Variants in CPA5 observed in about 807,000 individuals in gnomAD.
The protein encoded by CPA5 is carboxypeptidase A5, also known as testicular tissue protein Li 32.
CPA5 carries 38 observed loss-of-function variants against 52.2 expected under a neutral mutation model. That is an observed-to-expected ratio of 0.73 (90% confidence interval 0.56 to 0.95). CPA5 has a LOEUF of 0.95. Among genes scored for constraint, CPA5 ranks in the 40% least tolerant of loss-of-function variants. CPA5 has a pLI of 0.00. For synonymous variants in CPA5, 198 were observed against 213.7 expected, an observed-to-expected ratio of 0.93 and a Z score of 0.64; for missense variants, 519 against 566.7, an observed-to-expected ratio of 0.92 and a Z score of 0.86.
intron 5 of CPA5, among the ~76,000 whole-genome samples, chr7:130,351,364 G>A (rs1795129908): frequency 6.6e-6 from 1 of 152,222 alleles, no homozygotes; most frequent in South Asian, 2.1e-4. Flanking sequence ...TTGGCAAACA[G>A]ACACACAGAG....
chr7:130,366,812 G>T (rs1475619645), intron 10 of CPA5, among the ~76,000 whole-genome samples: 2 of 152,188 alleles, frequency 1.3e-5, no homozygotes, highest in Non-Finnish European at 1.5e-5. Context: ...GGAAGCCAGG[G>T]TTGGGGCAGA....
intron 10 of CPA5, 73 bp from the exon 11 acceptor site, chr7:130,367,299 C>G (rs1456082081): frequency 5.3e-6 from 7 of 1,318,958 alleles, no homozygotes; most frequent in Non-Finnish European, 7.6e-6. Flanking sequence ...GGGGAACACA[C>G]AGGTATTTTG....
chr7:130,348,663 T>A (rs1794927644), intron 4 of CPA5, among the ~76,000 whole-genome samples: 1 of 152,134 alleles, frequency 6.6e-6, no homozygotes, highest in African/African-American at 2.4e-5. Flanking sequence ...CTCTGGATCC[T>A]GACGAAGTTG....
At chr7:130,347,718 A>G (rs782439444) in intron 3 of CPA5, 48 bp from the exon 4 acceptor site, 1 of 1,521,064 alleles carries the variant, frequency 6.6e-7, no homozygotes, top group African/African-American at 1.4e-5. Context: ...ACAGCCTTCC[A>G]GGGATCCTTC....
rs185681824 is a variant in CPA5 at position 130,347,912 on chromosome 7, T to C, written c.198+65T>C. 283 of 1,308,044 alleles carry C rather than the reference T, an allele frequency of 2.2e-4. No homozygotes were observed. In the East Asian group the frequency reaches 5.7e-3, roughly 26 times the overall value. 81.0% of individuals were successfully genotyped at this position (1,308,044 alleles called of 1,614,324 possible). A position where few individuals can be genotyped will look rare whatever the true frequency, so the allele number is the denominator to read the frequency against. ...CTCAGTGGCTCACACATTTAGCTCC[T>C]TGTCCTGCCCCCCTTTATCCCAAAC... is the stretch of plus-strand genomic sequence containing the variant. On this transcript the variant is annotated intron_variant, in intron 4 of 12. Transcript: ENST00000474905.
downstream of CPA5, among the ~76,000 whole-genome samples, chr7:130,369,697 G>A (rs1796273464): frequency 6.6e-6 from 1 of 152,176 alleles, no homozygotes; most frequent in Non-Finnish European, 1.5e-5. Flanking sequence ...CCGTGTGTGT[G>A]TGTGTAAAAC....
intron 5 of CPA5, among the ~76,000 whole-genome samples, chr7:130,359,141 C>G (rs1795653765): frequency 6.6e-6 from 1 of 152,216 alleles, no homozygotes; most frequent in Admixed American, 6.5e-5. Flanking sequence ...TGGGTCCTGA[C>G]TCAACAGAGT....
intron 10 of CPA5, 93 bp from the exon 11 acceptor site, chr7:130,367,279 G>A (rs1796142161): frequency 5.4e-6 from 6 of 1,113,146 alleles, no homozygotes; most frequent in South Asian, 1.3e-5. Flanking sequence ...AAAGGAGGCT[G>A]GGAAATGTAG....
intron 6 of CPA5, among the ~76,000 whole-genome samples, chr7:130,360,832 CAG>C (rs1795751685): frequency 6.6e-6 from 1 of 152,190 alleles, no homozygotes. Flanking sequence ...AATTTCTAAC[CAG>C]AGAGAGCCAT....
chr7:130,362,342 G>T lies in CPA5; in HGVS notation c.535-96G>T, dbSNP rs1795834022. The T allele has an allele frequency of 6.8e-5, 53 of 780,910 alleles. No individual in the cohort carries two copies. In the South Asian group the frequency reaches 8.3e-4, roughly 12 times the overall value. The allele number at this position is 780,910 out of a possible 1,614,324, so 48.4% of individuals were successfully genotyped here. A position where few individuals can be genotyped will look rare whatever the true frequency, so the allele number is the denominator to read the frequency against. On this transcript the variant is annotated intron_variant, in intron 7 of 12. Transcript: ENST00000474905. ...TACCCAGTGCTTAAAGCTGCCCCAGGCACTGAGGATGCCTCAGGGACCTCC... is the reference window on the plus strand; with the variant it reads ...TACCCAGTGCTTAAAGCTGCCCCAGTCACTGAGGATGCCTCAGGGACCTCC...
At chr7:130,350,227 C>T (rs1015517613) in intron 5 of CPA5, 118 bp downstream of exon 5, 3 of 1,119,334 alleles carry the variant, frequency 2.7e-6, no homozygotes, top group Non-Finnish European at 3.8e-6. Flanking sequence ...TCTCCATCAG[C>T]GTGTTTGTGA....
chr7:130,367,353 G>A lies in CPA5; in HGVS notation c.839-19G>A. The A allele has an allele frequency of 6.2e-7, 1 of 1,612,140 alleles. No individual in the cohort carries two copies. On this transcript the variant is annotated intron_variant, in intron 10 of 12. Transcript: ENST00000474905. ...CACGTGGGGATTTGACTCTTTGGGT[G>A]GCTTTATTTTACTTCCAGGAAATGG...
At position 130,362,486 on chromosome 7, in the gene CPA5, A is replaced by T. The variant is rs1795843926; in HGVS notation, c.583A>T (p.Ile195Phe). 6.2e-7 allele frequency: 1 copy of T among 1,613,442 alleles called. No homozygotes were observed. The highest frequency in any genetic ancestry group is 1.3e-5 in the African/African-American group (1 of 74,916). ...CCCAGCCATCTGGATTGACACTGGA[A>T]TTCACTCCCGGGAGTGGATCACCCA... ...RHPAIWIDTG[I>F]HSREWITHAT... Residue 195 changes from isoleucine (I) to phenylalanine (F), a missense_variant, in exon 8 of 13, where the codon ATT becomes TTT. By Grantham distance (21) the Ile-to-Phe change is conservative (BLOSUM62 0). Coordinates refer to ENST00000474905, the MANE Select transcript of CPA5 (RefSeq NM_080385.5).
At position 130,346,407 on chromosome 7, in the gene CPA5, C is replaced by T. The variant is rs186172044; in HGVS notation, c.-79C>T. ...CTCTTTCTCAGGCTGGGCTTTCCAG[C>T]CTCTAGGTGCTGTGCTGTCCTGAGG... On this transcript the variant is annotated 5_prime_UTR_variant, in exon 3 of 13. Transcript: ENST00000474905. 2.7e-4 allele frequency: 287 copies of T among 1,047,882 alleles called. No homozygotes were observed. In the African/African-American group the frequency reaches 3.8e-3, roughly 14 times the overall value. 64.9% of individuals were successfully genotyped at this position (1,047,882 alleles called of 1,614,324 possible). A position where few individuals can be genotyped will look rare whatever the true frequency, so the allele number is the denominator to read the frequency against.
In CPA5 at chr7:130,354,629, G is replaced by A. The variant is rs183906605; in HGVS notation, c.333+4520G>A. 3.7e-3 allele frequency among the ~76,000 whole-genome samples: 566 copies of A among 152,014 alleles called. 5 individuals are homozygous for A. Among genetic ancestry groups the A allele is most frequent in the African/African-American group, 0.013 (524 of 41,470 alleles). On this transcript the variant is annotated intron_variant, in intron 5 of 12. Coordinates refer to ENST00000474905, the MANE Select transcript of CPA5 (RefSeq NM_080385.5). ...GGGTTTCACCATGTTGGCCAGGCTG[G>A]TCCCAAACTCCTGGCCTCAAGTGAT...
intron 4 of CPA5, 51 bp downstream of exon 4, chr7:130,347,898 A>C (rs1794870040): frequency 2.4e-5 from 35 of 1,450,624 alleles, no homozygotes; most frequent in Non-Finnish European, 2.9e-5. Flanking sequence ...TCAGTGGCTC[A>C]CACATTTAGC....
At chr7:130,363,075 C>T (rs1016755922) in intron 9 of CPA5, 81 bp downstream of exon 9, 19 of 839,126 alleles carry the variant, frequency 2.3e-5, no homozygotes, top group Non-Finnish European at 3.5e-5. Context: ...TGGGAACCAG[C>T]CCCTTCAGAG....
At chr7:130,350,143 C>T (rs782496649) in intron 5 of CPA5, 34 bp downstream of exon 5, 47 of 1,591,942 alleles carry the variant, frequency 3.0e-5, no homozygotes, top group South Asian at 2.0e-4. Flanking sequence ...CCCTGCCTTC[C>T]GCCTTCCTTT....
intron 5 of CPA5, among the ~76,000 whole-genome samples, chr7:130,353,079 G>T (rs1228654330): frequency 6.6e-6 from 1 of 151,842 alleles, no homozygotes; most frequent in Non-Finnish European, 1.5e-5. Context: ...CGCCCTAGTG[G>T]ATCACTCTCA....
Sources: gnomAD v4.1 joint callset for allele counts (sites outside exome capture counted in the v4.1 genomes callset) on GRCh38, gnomAD v4.1.1 for gene constraint, MANE v1.5 for transcripts, NCBI Gene and HGNC (gene_info 2026-07-23, HGNC 2026-07-21) for gene names.